Variants in DISC1 observed in about 807,000 individuals in gnomAD.
The protein encoded by DISC1 is disrupted in schizophrenia 1 protein.
A neutral mutation model predicts 84.5 loss-of-function variants in DISC1; 57 were observed. That is an observed-to-expected ratio of 0.67 (90% CI 0.55 to 0.84). The LOEUF is 0.84. Among genes scored for constraint, DISC1 ranks in the 40% least tolerant of loss-of-function variants. The pLI is 0.00. For synonymous variants in DISC1, 411 were observed against 415.2 expected (o/e 0.99, Z 0.12); for missense variants, 1,000 against 1,057.8 (o/e 0.95, Z 0.76).
rs186650677 is a variant in DISC1, at chr1:231,790,809, C to T, written c.1635-4433C>T. ...CTGGGATTACAGGCGTGAGCCACCGCGCCTGGCCTTCCACATCTCTCCTTA... is the reference window on the plus strand; with the variant it reads ...CTGGGATTACAGGCGTGAGCCACCGTGCCTGGCCTTCCACATCTCTCCTTA... On this transcript the variant is annotated intron_variant, in intron 6 of 12. Coordinates refer to ENST00000439617, the MANE Select transcript of DISC1 (RefSeq NM_018662.3). Among the ~76,000 whole-genome samples the T allele has an allele frequency of 5.1e-3, 776 of 152,268 alleles. 6 individuals carry two copies. Among genetic ancestry groups the T allele is most frequent in the Non-Finnish European group, 6.7e-3 (456 of 68,028 alleles).
chr1:231,721,936 G>A (rs1264845938), intron 3 of DISC1, among the ~76,000 whole-genome samples: 1 of 152,126 alleles, frequency 6.6e-6, no homozygotes, highest in African/African-American at 2.4e-5. Context: ...GGCAGATCAT[G>A]AGGTCAGGAG....
At chr1:231,758,743 T>C (rs2075371642) in intron 4 of DISC1, among the ~76,000 whole-genome samples, 1 of 152,208 alleles carries the variant, frequency 6.6e-6, no homozygotes, top group Non-Finnish European at 1.5e-5. Context: ...TATTTTTCCT[T>C]TCTCCTAAGA....
At chr1:232,015,935 A>G (rs796718832) in intron 11 of DISC1, among the ~76,000 whole-genome samples, 7 of 152,260 alleles carry the variant, frequency 4.6e-5, no homozygotes, top group African/African-American at 1.7e-4. Context: ...TAGGAACCTC[A>G]GGCCAACAAG....
intron 9 of DISC1, among the ~76,000 whole-genome samples, chr1:231,891,756 A>G (rs2087240214): frequency 6.6e-6 from 1 of 152,168 alleles, no homozygotes; most frequent in Admixed American, 6.5e-5. Context: ...TCAAGATAAC[A>G]TAATTTAAAA....
chr1:231,855,315 A>G, intron 9 of DISC1: 1 of 938,472 alleles, frequency 1.1e-6, no homozygotes, highest in South Asian at 4.9e-5. Context: ...CATGTTATAT[A>G]TATAATACAT....
At chr1:231,880,596 A>G (rs905538200) in intron 9 of DISC1, among the ~76,000 whole-genome samples, 1 of 152,186 alleles carries the variant, frequency 6.6e-6, no homozygotes, top group Non-Finnish European at 1.5e-5. Flanking sequence ...TGCCCACTGC[A>G]CAGTAATAGA....
rs578231115 is a variant in DISC1, at chr1:231,629,270, T to C, written c.67+2336T>C. 3 of 152,770 alleles carry C rather than the reference T, an allele frequency of 2.0e-5. No homozygotes were observed. In the East Asian group the frequency reaches 5.8e-4, roughly 29 times the overall value. 9.5% of individuals were successfully genotyped at this position (152,770 alleles called of 1,614,324 possible). A position where few individuals can be genotyped will look rare whatever the true frequency, so the allele number is the denominator to read the frequency against. On this transcript the variant is annotated intron_variant, in intron 1 of 12. Coordinates refer to ENST00000439617, the MANE Select transcript of DISC1 (RefSeq NM_018662.3). ...TGGTATCTGGATTGTTTTGTTTTGT[T>C]TCAACACTCATTTGCCAGAACCCTT... is the stretch of plus-strand genomic sequence containing the variant.
At chr1:232,030,075 CA>C (rs1669857723) in intron 12 of DISC1, among the ~76,000 whole-genome samples, 2 of 152,170 alleles carry the variant, frequency 1.3e-5, no homozygotes, top group African/African-American at 4.8e-5. Context: ...AAACAGTCTG[CA>C]CCATTAATTG....
intron 9 of DISC1, among the ~76,000 whole-genome samples, chr1:231,924,626 C>T (rs920091288): frequency 6.6e-6 from 1 of 151,618 alleles, no homozygotes; most frequent in Admixed American, 6.6e-5. Context: ...AGTTACTGCC[C>T]ATGATGTTGC....
intron 3 of DISC1, among the ~76,000 whole-genome samples, chr1:231,707,937 T>G (rs902081137): frequency 6.6e-6 from 1 of 152,244 alleles, no homozygotes; most frequent in Non-Finnish European, 1.5e-5. Context: ...GCTGGAATTC[T>G]GAAAACCAAA....
intron 2 of DISC1, among the ~76,000 whole-genome samples, chr1:231,696,386 G>A (rs1291646048): frequency 1.3e-5 from 2 of 152,244 alleles, no homozygotes; most frequent in Non-Finnish European, 2.9e-5. Context: ...CATCATTAGA[G>A]AAATAGCTCC....
intron 1 of DISC1, among the ~76,000 whole-genome samples, chr1:231,654,421 G>A (rs898874098): frequency 6.6e-6 from 1 of 151,988 alleles, no homozygotes; most frequent in African/African-American, 2.4e-5. Context: ...ATTAAACCAA[G>A]CTAATTAACA....
intron 9 of DISC1, among the ~76,000 whole-genome samples, chr1:231,860,142 A>G (rs144046624): frequency 0.014 from 2,089 of 152,328 alleles, 14 homozygotes; most frequent in Non-Finnish European, 0.02. Flanking sequence ...ATATTTGCAA[A>G]GTAAATTAAC....
intron 5 of DISC1, 99 bp from the exon 6 acceptor site, chr1:231,770,736 T>C (rs1231123891): frequency 1.3e-6 from 2 of 1,545,288 alleles, no homozygotes; most frequent in Non-Finnish European, 1.8e-6. Context: ...GTAGTTCTGG[T>C]GCATATGGCC....
At chr1:231,749,628 A>G (rs2074382485) in intron 3 of DISC1, among the ~76,000 whole-genome samples, 1 of 152,234 alleles carries the variant, frequency 6.6e-6, no homozygotes, top group African/African-American at 2.4e-5. Flanking sequence ...TGCTTTTAAA[A>G]TAATTAATAT....
At chr1:231,640,554 G>A (rs1402568572) in intron 1 of DISC1, among the ~76,000 whole-genome samples, 21 of 139,602 alleles carry the variant, frequency 1.5e-4, no homozygotes, top group African/African-American at 5.4e-4. Flanking sequence ...TTTGAGACAA[G>A]GTCTCCCTCT....
chr1:231,685,192 C>T (rs1229232715), intron 1 of DISC1: 3 of 152,236 alleles, frequency 2.0e-5, no homozygotes, highest in African/African-American at 7.2e-5. Context: ...CTCCCTCTCT[C>T]TTGCGCTATC....
chr1:231,861,308 T>A (rs1329112519), intron 9 of DISC1, among the ~76,000 whole-genome samples: 1 of 146,192 alleles, frequency 6.8e-6, no homozygotes, highest in East Asian at 1.9e-4. Context: ...TTATTTATTT[T>A]TATTAGAGAT....
At chr1:232,027,457 G>C (rs1669584651) in intron 12 of DISC1, among the ~76,000 whole-genome samples, 1 of 152,162 alleles carries the variant, frequency 6.6e-6, no homozygotes, top group Non-Finnish European at 1.5e-5. Flanking sequence ...CTGCTAGTGA[G>C]CAAGATGGCC....
Sources: gnomAD v4.1 joint callset for allele counts (sites outside exome capture counted in the v4.1 genomes callset) on GRCh38, gnomAD v4.1.1 for gene constraint, MANE v1.5 for transcripts, NCBI Gene and HGNC (gene_info 2026-07-23, HGNC 2026-07-21) for gene names.